ZBTB49: variants seen among roughly 807,000 people sequenced by gnomAD.
ZBTB49 encodes the protein zinc finger and BTB domain containing 49.
ZBTB49 carries 43 observed loss-of-function variants against 57.5 expected under a neutral mutation model. The observed-to-expected ratio is 0.75, with a 90% CI of 0.59 to 0.97. The LOEUF (loss-of-function observed/expected upper bound fraction) is 0.97, where lower values mean the gene tolerates loss of function less well. Among genes scored for constraint, ZBTB49 ranks in the 50% least tolerant of loss-of-function variants. ZBTB49 has a pLI of 0.00. For synonymous variants in ZBTB49, 369 were observed against 362.1 expected, an observed-to-expected ratio of 1.02 and a Z score of -0.22; for missense variants, 938 against 947.7, an observed-to-expected ratio of 0.99 and a Z score of 0.13.
chr4:4,321,491 G>T lies in ZBTB49; in HGVS notation c.*175G>T. The T allele has an allele frequency of 1.3e-6, 1 of 752,130 alleles. No homozygotes were observed. The highest frequency in any genetic ancestry group is 2.1e-6 in the Non-Finnish European group (1 of 477,904). 46.6% of individuals were successfully genotyped at this position (752,130 alleles called of 1,614,324 possible). On this transcript the variant is annotated 3_prime_UTR_variant, in exon 8 of 8. Transcript: ENST00000337872. ...CATCTTGAGCTGGGGGTGTGAGGGG[G>T]AGGGCCTGCTGGCTCACCGTGAGGC...
At chr4:4,295,463 A>G (rs3886793) in intron 1 of ZBTB49, among the ~76,000 whole-genome samples, 1 of 152,170 alleles carries the variant, frequency 6.6e-6, no homozygotes, top group Non-Finnish European at 1.5e-5. Context: ...GGATGAGAAC[A>G]CAGAGCCAAG....
chr4:4,310,442 C>A lies in ZBTB49; in HGVS notation c.1303-2599C>A, dbSNP rs545779980. 2.6e-5 allele frequency among the ~76,000 whole-genome samples: 4 copies of A among 151,930 alleles called. No individual in the cohort carries two copies. The East Asian group carries it at 7.7e-4, about 29-fold the overall frequency. On this transcript the variant is annotated intron_variant, in intron 4 of 7. Coordinates refer to ENST00000337872, the MANE Select transcript of ZBTB49 (RefSeq NM_145291.4). ...TGACTAAGTTAAATACTCTTCGCAA[C>A]GGTTTAGCAAAGAGCTTCATTCATA...
At chr4:4,314,333 T>A (rs146092453) in intron 5 of ZBTB49, among the ~76,000 whole-genome samples, 245 of 152,368 alleles carry the variant, frequency 1.6e-3, no homozygotes, top group African/African-American at 5.8e-3. Context: ...ATCTGAACTT[T>A]CTGAATTCCA....
chr4:4,315,585 C>A (rs1721156497), intron 5 of ZBTB49, 51 bp from the exon 6 acceptor site: 1 of 1,563,470 alleles, frequency 6.4e-7, no homozygotes, highest in Non-Finnish European at 8.8e-7. Context: ...GTTATAAAGA[C>A]CCACAGTAAT....
chr4:4,321,117 G>T lies in ZBTB49; in HGVS notation c.2099G>T (p.Gly700Val), dbSNP rs748002445. Residue 700 changes from glycine (G) to valine (V), a missense_variant, in exon 8 of 8, where the codon GGT (glycine) becomes GTT (valine). Gly to Val is a moderately radical substitution (Grantham distance 109). This residue lies in a region of ZBTB49 where 835 missense variants were observed against 819.1 expected (regional missense o/e 1.02). Transcript: ENST00000337872. The part of the protein sequence containing the change: ...YAYSDVDTPA[G>V]GEPLQADGMA... ...TACTCGGATGTGGACACCCCAGCCG[G>T]TGGCGAACCACTGCAGGCCGATGGC... The T allele has an allele frequency of 2.2e-5, 36 of 1,614,052 alleles. No individual in the cohort carries two copies. In the South Asian group the frequency reaches 3.3e-4, roughly 15 times the overall value.
chr4:4,301,912 A>G, intron 2 of ZBTB49, 77 bp from the exon 3 acceptor site: 1 of 1,295,754 alleles, frequency 7.7e-7, no homozygotes, highest in Non-Finnish European at 1.0e-6. Flanking sequence ...TTTTAATATT[A>G]ATATATGAAT....
intron 7 of ZBTB49, 24 bp downstream of exon 7, chr4:4,315,994 C>A: frequency 6.2e-7 from 1 of 1,611,186 alleles, no homozygotes; most frequent in Non-Finnish European, 8.5e-7. Flanking sequence ...TCTGGCTGTC[C>A]CCTAGTCATC....
Position 4,302,530 on chromosome 4 carries a change from A to G in ZBTB49, c.694A>G (p.Ser232Gly). The G allele has an allele frequency of 1.2e-6, 2 of 1,614,078 alleles. No homozygotes were observed. The highest frequency in any genetic ancestry group is 1.1e-5 in the South Asian group (1 of 91,062). Residue 232 changes from serine to glycine, a missense_variant, in exon 3 of 8, where the codon AGT (serine) becomes GGT (glycine). By Grantham distance (56) the Ser-to-Gly change is moderately conservative (BLOSUM62 0). This residue lies in a region of ZBTB49 where 835 missense variants were observed against 819.1 expected (regional missense o/e 1.02). Transcript: ENST00000337872. ...GTACCATAAACACGCAGCTGGTCCC[A>G]GTCAGGAGAGAGTTGTTGAGCAGCC... ...KQYHKHAAGP[S>G]QERVVEQPFA...
chr4:4,292,513 G>A (rs1577226661), intron 1 of ZBTB49, among the ~76,000 whole-genome samples: 1 of 152,146 alleles, frequency 6.6e-6, no homozygotes, highest in Non-Finnish European at 1.5e-5. Context: ...CCATCCTCGC[G>A]ACAATCTGTT....
chr4:4,290,545 G>C (rs929270020), intron 1 of ZBTB49, among the ~76,000 whole-genome samples, 193 bp downstream of exon 1: 1 of 152,226 alleles, frequency 6.6e-6, no homozygotes, highest in African/African-American at 2.4e-5. Context: ...GCTCTGTGCC[G>C]GGCATCACAG....
Position 4,321,099 on chromosome 4 carries a change from A to C in ZBTB49, c.2081A>C (p.Asp694Ala). 1.2e-6 allele frequency: 2 copies of C among 1,614,140 alleles called. No homozygotes were observed. The highest frequency in any genetic ancestry group is 2.2e-5 in the South Asian group (2 of 91,080). Residue 694 changes from aspartate (D) to alanine (A), a missense_variant, in exon 8 of 8, where the codon GAT becomes GCT. Coordinates refer to ENST00000337872, the MANE Select transcript of ZBTB49 (RefSeq NM_145291.4). Reference sequence around the variant, plus strand: ...CAGCCTCAGGCCTATGCTTACTCGGATGTGGACACCCCAGCCGGTGGCGAA... The same window carrying C: ...CAGCCTCAGGCCTATGCTTACTCGGCTGTGGACACCCCAGCCGGTGGCGAA... Reference protein sequence around the residue: ...QTQPQAYAYSDVDTPAGGEPL... With the variant: ...QTQPQAYAYSAVDTPAGGEPL...
intron 4 of ZBTB49, 126 bp downstream of exon 4, chr4:4,306,310 C>T (rs1720733462): frequency 1.3e-6 from 1 of 777,034 alleles, no homozygotes; most frequent in Admixed American, 2.7e-5. Flanking sequence ...TTAAAGACTT[C>T]AGAATAAATT....
intron 4 of ZBTB49, among the ~76,000 whole-genome samples, chr4:4,308,253 A>G (rs1312508042): frequency 3.3e-5 from 5 of 151,954 alleles, no homozygotes; most frequent in African/African-American, 4.8e-5. Context: ...CAGTTTTTAT[A>G]TTTTTAGTAG....
At chr4:4,316,589 A>G (rs909930338) in intron 7 of ZBTB49, among the ~76,000 whole-genome samples, 6 of 152,222 alleles carry the variant, frequency 3.9e-5, no homozygotes, top group African/African-American at 4.8e-5. Context: ...TGAGATGCCT[A>G]TTGAATCATG....
At chr4:4,304,375 G>T (rs765900938) in intron 3 of ZBTB49, among the ~76,000 whole-genome samples, 1 of 151,890 alleles carries the variant, frequency 6.6e-6, no homozygotes, top group South Asian at 2.1e-4. Context: ...ACAGGCATGC[G>T]CCACCAATTT....
chr4:4,297,757 G>A (rs867281884), intron 1 of ZBTB49, among the ~76,000 whole-genome samples: 2 of 146,794 alleles, frequency 1.4e-5, no homozygotes, highest in Non-Finnish European at 3.0e-5. Flanking sequence ...CTGGGTGGCA[G>A]AGCTAGATCC....
intron 1 of ZBTB49, 21 bp from the exon 2 acceptor site, chr4:4,299,906 A>G (rs1442719255): frequency 6.2e-7 from 1 of 1,609,360 alleles, no homozygotes; most frequent in Non-Finnish European, 8.5e-7. Flanking sequence ...TATCTGTCGT[A>G]TCTGTGATTT....
At chr4:4,316,907 G>A (rs546081404) in intron 7 of ZBTB49, among the ~76,000 whole-genome samples, 1 of 152,310 alleles carries the variant, frequency 6.6e-6, no homozygotes, top group East Asian at 1.9e-4. Context: ...CTGTGGTGGC[G>A]TTCGCCTGTA....
intron 4 of ZBTB49, among the ~76,000 whole-genome samples, chr4:4,307,960 G>A (rs1720811492): frequency 2.0e-5 from 3 of 152,254 alleles, no homozygotes; most frequent in East Asian, 1.9e-4. Context: ...GTTAAAACCC[G>A]ACATTCAGTC....
Sources: gnomAD v4.1 joint callset for allele counts (sites outside exome capture counted in the v4.1 genomes callset) on GRCh38, gnomAD v4.1.1 for gene constraint, gnomAD v4.1.1 regional missense constraint, MANE v1.5 for transcripts, NCBI Gene and HGNC (gene_info 2026-07-23, HGNC 2026-07-21) for gene names.